Variants in HS3ST3A1 observed in about 807,000 individuals in gnomAD.
HS3ST3A1 encodes the protein heparan sulfate glucosamine 3-O-sulfotransferase 3A1.
A neutral mutation model predicts 25.7 loss-of-function variants in HS3ST3A1; 19 were observed. The ratio of observed to expected loss-of-function variants is 0.74; its 90% CI spans 0.52 to 1.08. HS3ST3A1 has a LOEUF of 1.08. Among genes scored for constraint, HS3ST3A1 ranks in the 50% least tolerant of loss-of-function variants. The pLI, the probability that HS3ST3A1 is intolerant of heterozygous loss-of-function variation, is 0.00. For synonymous variants in HS3ST3A1, 226 were observed against 278.6 expected (o/e 0.81, Z 1.88); for missense variants, 459 against 594.3 (o/e 0.77, Z 2.37).
At position 13,552,062 on chromosome 17, in the gene HS3ST3A1, G is replaced by T. The variant is rs549504774; in HGVS notation, c.599+48469C>A. Among the ~76,000 whole-genome samples, 5 of 148,976 alleles carry T rather than the reference G, an allele frequency of 3.4e-5. No homozygotes were observed. The South Asian group carries it at 1.1e-3, about 33-fold the overall frequency. ...GTGTGACTGGCAATTGCTGTATTTG[G>T]TTCTTGAACACTTTATTTTTTTATT... is the stretch of plus-strand genomic sequence containing the variant. On this transcript the variant is annotated intron_variant, in intron 1 of 1. Transcript: ENST00000284110.
chr17:13,498,076 C>T (rs1336418437), intron 1 of HS3ST3A1, among the ~76,000 whole-genome samples: 1 of 152,136 alleles, frequency 6.6e-6, no homozygotes, highest in Non-Finnish European at 1.5e-5. Context: ...AGCTTCAAAA[C>T]TTCATAAAGG....
At chr17:13,531,071 T>C (rs1906590198) in intron 1 of HS3ST3A1, among the ~76,000 whole-genome samples, 2 of 151,756 alleles carry the variant, frequency 1.3e-5, no homozygotes, top group South Asian at 4.2e-4. Context: ...CTCAAGAGAA[T>C]CCATGTATTG....
chr17:13,581,006 G>A (rs1312872241), intron 1 of HS3ST3A1, among the ~76,000 whole-genome samples: 1 of 152,106 alleles, frequency 6.6e-6, no homozygotes, highest in African/African-American at 2.4e-5. Context: ...TGCAACTTTC[G>A]CTTTTCTGTA....
At chr17:13,579,729 T>A (rs12950206) in intron 1 of HS3ST3A1, among the ~76,000 whole-genome samples, 34,114 of 69,356 alleles carry the variant, frequency 0.49, 7,973 homozygotes, top group Admixed American at 0.63. Context: ...AAAAAAAAAA[T>A]CATAAGAAAT....
At chr17:13,519,938 G>C (rs1442423967) in intron 1 of HS3ST3A1, among the ~76,000 whole-genome samples, 1 of 152,198 alleles carries the variant, frequency 6.6e-6, no homozygotes, top group Non-Finnish European at 1.5e-5. Context: ...GAACTTATTA[G>C]AGGTAGCAGG....
intron 1 of HS3ST3A1, among the ~76,000 whole-genome samples, chr17:13,503,156 A>G (rs989453810): frequency 1.1e-4 from 15 of 140,266 alleles, no homozygotes; most frequent in Admixed American, 1.1e-3. Context: ...GCCTAGCAAG[A>G]GAGCAAGACT....
intron 1 of HS3ST3A1, among the ~76,000 whole-genome samples, chr17:13,555,506 C>T (rs1004771794): frequency 2.6e-5 from 4 of 152,046 alleles, no homozygotes; most frequent in Non-Finnish European, 5.9e-5. Flanking sequence ...CTCCAAGGTC[C>T]CCAGATCCCT....
chr17:13,496,947 T>C, intron 1 of HS3ST3A1, 129 bp from the exon 2 acceptor site: 1 of 1,310,724 alleles, frequency 7.6e-7, no homozygotes, highest in East Asian at 2.4e-5. Context: ...AGACATCTGA[T>C]GGTGACGTCG....
chr17:13,504,714 T>A (rs1905600755), intron 1 of HS3ST3A1, among the ~76,000 whole-genome samples: 2 of 152,206 alleles, frequency 1.3e-5, no homozygotes, highest in African/African-American at 2.4e-5. Context: ...ATGATTTTTT[T>A]AAAGGGTATT....
At chr17:13,552,576 C>T (rs1022095073) in intron 1 of HS3ST3A1, among the ~76,000 whole-genome samples, 3 of 152,186 alleles carry the variant, frequency 2.0e-5, no homozygotes, top group Non-Finnish European at 4.4e-5. Context: ...TTGGCTCTGT[C>T]ACCTCATTTC....
intron 1 of HS3ST3A1, among the ~76,000 whole-genome samples, chr17:13,517,071 G>A (rs1397213775): frequency 6.6e-6 from 1 of 152,204 alleles, no homozygotes; most frequent in African/African-American, 2.4e-5. Context: ...GTGTGGAAAT[G>A]AGCATACATG....
chr17:13,593,165 C>T (rs1163553662), intron 1 of HS3ST3A1, among the ~76,000 whole-genome samples: 1 of 147,576 alleles, frequency 6.8e-6, no homozygotes, highest in Non-Finnish European at 1.5e-5. Flanking sequence ...ATCCACAGCT[C>T]TGGCCCTATC....
chr17:13,590,478 C>T (rs1908395092), intron 1 of HS3ST3A1, among the ~76,000 whole-genome samples: 1 of 152,168 alleles, frequency 6.6e-6, no homozygotes, highest in Non-Finnish European at 1.5e-5. Context: ...GAATTAGAAG[C>T]CCTGAGTTCT....
At chr17:13,560,047 T>C (rs979509840) in intron 1 of HS3ST3A1, among the ~76,000 whole-genome samples, 1 of 151,602 alleles carries the variant, frequency 6.6e-6, no homozygotes, top group Non-Finnish European at 1.5e-5. Context: ...CACAGCACTT[T>C]GGGAGGCCGA....
In HS3ST3A1 at chr17:13,500,449, T is replaced by G. The variant is rs75597018; in HGVS notation, c.600-3631A>C. On this transcript the variant is annotated intron_variant, in intron 1 of 1. Transcript: ENST00000284110. ...AGATCTATTACAGTATTATAAAAGG[T>G]CTGAAGAAATATGAGGCAGGCTATG... Among the ~76,000 whole-genome samples, 1,392 of 152,288 alleles carry G rather than the reference T, an allele frequency of 9.1e-3. 15 individuals carry two copies. The highest frequency in any genetic ancestry group is 0.032 in the African/African-American group (1,328 of 41,548).
chr17:13,549,180 C>T (rs1907174223), intron 1 of HS3ST3A1, among the ~76,000 whole-genome samples: 1 of 152,186 alleles, frequency 6.6e-6, no homozygotes, highest in African/African-American at 2.4e-5. Flanking sequence ...GAGGAACAAA[C>T]AACTCCGGAC....
intron 1 of HS3ST3A1, among the ~76,000 whole-genome samples, chr17:13,551,477 T>C (rs1203812452): frequency 6.6e-6 from 1 of 152,020 alleles, no homozygotes; most frequent in Non-Finnish European, 1.5e-5. Flanking sequence ...CAGCAATTGA[T>C]AGATAAACAG....
At chr17:13,511,884 T>C (rs935799373) in intron 1 of HS3ST3A1, among the ~76,000 whole-genome samples, 19 of 152,164 alleles carry the variant, frequency 1.2e-4, no homozygotes, top group Admixed American at 3.9e-4. Context: ...CTTGGAATAT[T>C]TTAGAAATAA....
intron 1 of HS3ST3A1, among the ~76,000 whole-genome samples, chr17:13,510,748 A>G (rs919476688): frequency 4.0e-5 from 6 of 151,372 alleles, no homozygotes; most frequent in African/African-American, 1.2e-4. Flanking sequence ...TCTGTGACCC[A>G]GGCTGGAGTG....
Sources: gnomAD v4.1 joint callset for allele counts (sites outside exome capture counted in the v4.1 genomes callset) on GRCh38, gnomAD v4.1.1 for gene constraint, MANE v1.5 for transcripts, NCBI Gene and HGNC (gene_info 2026-07-23, HGNC 2026-07-21) for gene names.